Variants in TSHZ2 observed in about 807,000 individuals in gnomAD.
The protein encoded by TSHZ2 is teashirt zinc finger homeobox 2.
In TSHZ2, 21 loss-of-function variants were observed where a neutral mutation model predicts 74.4. The observed-to-expected ratio is 0.28, with a 90% CI of 0.20 to 0.41. The LOEUF is 0.41. TSHZ2 is among the 10% of genes least tolerant of loss of function. The probability of loss-of-function intolerance (pLI) is 1.00; values close to 1 mark genes in which losing one functional copy is unlikely to be tolerated. For synonymous variants in TSHZ2, 540 were observed against 515.3 expected, an observed-to-expected ratio of 1.05 and a Z score of -0.65; for missense variants, 1,244 against 1,293.5, an observed-to-expected ratio of 0.96 and a Z score of 0.59.
At chr20:53,202,697 G>T (rs977387812) in intron 1 of TSHZ2, among the ~76,000 whole-genome samples, 1 of 152,190 alleles carries the variant, frequency 6.6e-6, no homozygotes, top group Non-Finnish European at 1.5e-5. Context: ...CTTTGCTCTT[G>T]AATTCTTTAC....
chr20:53,256,631 T>TG lies in TSHZ2; in HGVS notation c.*8+63dup. On this transcript the variant is annotated intron_variant, in intron 2 of 2. Coordinates refer to ENST00000371497, the MANE Select transcript of TSHZ2 (RefSeq NM_173485.6). This position sits in a 1 kb window ranked among gnomAD's most constrained non-coding sequence, Gnocchi z 4.3. ...GGTGAGGAGCTTTCTTACAGGGAGATGGGTCTGCTTAGAGGCAGCTAGCAT... is the reference window on the plus strand; with the variant it reads ...GGTGAGGAGCTTTCTTACAGGGAGATGGGGTCTGCTTAGAGGCAGCTAGCAT... 6.6e-7 allele frequency: 1 copy of TG among 1,509,964 alleles called. No individual in the cohort carries two copies. The highest frequency in any genetic ancestry group is 8.9e-7 in the Non-Finnish European group (1 of 1,127,534). 93.5% of individuals were successfully genotyped at this position (1,509,964 alleles called of 1,614,324 possible).
chr20:53,004,133 A>G (rs2741360), intron 1 of TSHZ2, among the ~76,000 whole-genome samples: 150,922 of 152,068 alleles, frequency 0.99, 74,893 homozygotes, highest in Middle Eastern at 1. Context: ...TGGAACACGC[A>G]CCCACTCCCC....
chr20:53,285,278 G>A (rs150136147), intron 2 of TSHZ2, among the ~76,000 whole-genome samples: 30 of 152,280 alleles, frequency 2.0e-4, no homozygotes, highest in African/African-American at 6.0e-4. Flanking sequence ...AGCAGTGTTT[G>A]GATAGGAGTC....
At chr20:53,290,462 C>G (rs910043981) in intron 2 of TSHZ2, among the ~76,000 whole-genome samples, 1 of 151,654 alleles carries the variant, frequency 6.6e-6, no homozygotes, top group Non-Finnish European at 1.5e-5. Context: ...GAAAGGCAAA[C>G]TACTAGAAAA....
At chr20:53,190,925 T>G (rs2123542638) in intron 1 of TSHZ2, among the ~76,000 whole-genome samples, 2 of 152,326 alleles carry the variant, frequency 1.3e-5, no homozygotes, top group South Asian at 4.1e-4. Flanking sequence ...GGTACATTTT[T>G]TTTGTGAAAT....
intron 2 of TSHZ2, among the ~76,000 whole-genome samples, chr20:53,402,801 C>A (rs1454244082): frequency 3.3e-5 from 5 of 152,084 alleles, no homozygotes; most frequent in Non-Finnish European, 7.4e-5. Flanking sequence ...TGCTTCTGCC[C>A]CAAGTGGGGT....
At position 53,030,279 on chromosome 20, in the gene TSHZ2, T is replaced by C. The variant is rs1179375749; in HGVS notation, c.40+56946T>C. ...CCTGGTGGTTGATTTTTGCTGAAGA[T>C]GTGTATGTGGTAAATTCACAGACGA... On this transcript the variant is annotated intron_variant, in intron 1 of 2. Transcript: ENST00000371497. Among the ~76,000 whole-genome samples the C allele has an allele frequency of 2.6e-5, 4 of 151,758 alleles. No individual in the cohort carries two copies. In the East Asian group the frequency reaches 7.7e-4, roughly 29 times the overall value.
chr20:53,075,026 A>AC (rs1239681897), intron 1 of TSHZ2, among the ~76,000 whole-genome samples: 3 of 152,336 alleles, frequency 2.0e-5, no homozygotes. Context: ...CTCCAGTCAC[A>AC]TTTTGAAATT....
At chr20:53,265,890 C>T (rs1990705627) in intron 2 of TSHZ2, among the ~76,000 whole-genome samples, 1 of 152,194 alleles carries the variant, frequency 6.6e-6, no homozygotes, top group Non-Finnish European at 1.5e-5. Flanking sequence ...CTTCCTCCCT[C>T]CCTCCTTTCT....
chr20:53,436,901 C>T (rs955944954), intron 2 of TSHZ2, among the ~76,000 whole-genome samples: 1 of 152,054 alleles, frequency 6.6e-6, no homozygotes, highest in Non-Finnish European at 1.5e-5. Flanking sequence ...TGTGTGATTC[C>T]AGGATAAGCC....
intron 1 of TSHZ2, among the ~76,000 whole-genome samples, chr20:53,184,025 A>G (rs1347832254): frequency 6.6e-6 from 1 of 152,168 alleles, no homozygotes; most frequent in Non-Finnish European, 1.5e-5. Context: ...GTGCAATGCC[A>G]AGGCCAACAG....
At chr20:53,110,984 G>C (rs1986518718) in intron 1 of TSHZ2, among the ~76,000 whole-genome samples, 1 of 152,150 alleles carries the variant, frequency 6.6e-6, no homozygotes, top group Non-Finnish European at 1.5e-5. Flanking sequence ...GGATCTAAAT[G>C]GCAGTTTCAG....
intron 2 of TSHZ2, among the ~76,000 whole-genome samples, chr20:53,320,892 G>A (rs756898306): frequency 4.6e-5 from 7 of 152,146 alleles, no homozygotes; most frequent in Non-Finnish European, 8.8e-5. Flanking sequence ...TGAAGACATC[G>A]TTCCAGTTTA....
intron 2 of TSHZ2, among the ~76,000 whole-genome samples, chr20:53,309,092 G>A (rs937842562): frequency 2.0e-5 from 3 of 152,302 alleles, no homozygotes; most frequent in South Asian, 2.1e-4. Context: ...CACCACCCCC[G>A]AAAATGGCAA....
rs149323138 is a variant in TSHZ2, at chr20:53,285,655, A to T, written c.*8+29084A>T. On this transcript the variant is annotated intron_variant, in intron 2 of 2. Transcript: ENST00000371497. ...AACCCAGGAGGTGGAGGTTGCAGTG[A>T]GCCAAGATGGTGCCACTGCATTTCA... Among the ~76,000 whole-genome samples the T allele has an allele frequency of 7.5e-4, 114 of 152,154 alleles. 2 individuals are homozygous for T. In the East Asian group the frequency reaches 0.019, roughly 26 times the overall value.
intron 2 of TSHZ2, among the ~76,000 whole-genome samples, chr20:53,363,676 G>C (rs1981151096): frequency 6.6e-6 from 1 of 152,200 alleles, no homozygotes; most frequent in African/African-American, 2.4e-5. Context: ...GACTGGGCGT[G>C]GTGGCTCATG....
At chr20:53,383,057 T>G (rs1981914860) in intron 2 of TSHZ2, among the ~76,000 whole-genome samples, 1 of 151,978 alleles carries the variant, frequency 6.6e-6, no homozygotes, top group African/African-American at 2.4e-5. Flanking sequence ...GGTTCGGAGG[T>G]CGAGACCAGC....
chr20:53,313,629 G>T (rs370815662), intron 2 of TSHZ2, among the ~76,000 whole-genome samples: 53 of 152,286 alleles, frequency 3.5e-4, no homozygotes, highest in African/African-American at 1.3e-3. Flanking sequence ...GGAATAGGAA[G>T]GTAAAGTGAA....
At chr20:53,072,876 T>C (rs1985219304) in intron 1 of TSHZ2, among the ~76,000 whole-genome samples, 1 of 152,288 alleles carries the variant, frequency 6.6e-6, no homozygotes, top group Admixed American at 6.5e-5. Flanking sequence ...TGCCCATCCA[T>C]CCATCAATCC....
Sources: gnomAD v4.1 joint callset for allele counts (sites outside exome capture counted in the v4.1 genomes callset) on GRCh38, gnomAD v4.1.1 for gene constraint, Gnocchi (gnomAD v3.1) non-coding constraint, MANE v1.5 for transcripts, NCBI Gene and HGNC (gene_info 2026-07-23, HGNC 2026-07-21) for gene names.